The following ITPR2 variants were observed in gnomAD, a reference collection of about 807,000 sequenced individuals.
The protein encoded by ITPR2 is inositol 1,4,5-trisphosphate receptor type 2, also known as inositol 1,4,5-trisphosphate-gated calcium channel ITPR2.
Under a neutral mutation model 317.1 loss-of-function variants are expected in ITPR2, and 207 were observed. The observed-to-expected ratio is 0.65, with a 90% CI of 0.58 to 0.73. The LOEUF is 0.73. Among genes scored for constraint, ITPR2 ranks in the 30% least tolerant of loss-of-function variants. The pLI is 0.00. For synonymous variants in ITPR2, 1,156 were observed against 1,149.1 expected, an observed-to-expected ratio of 1.01 and a Z score of -0.12; for missense variants, 2,613 against 3,284.0, an observed-to-expected ratio of 0.80 and a Z score of 4.99.
intron 37 of ITPR2, among the ~76,000 whole-genome samples, chr12:26,498,651 T>A (rs945262418): frequency 7.2e-5 from 11 of 152,194 alleles, no homozygotes; most frequent in African/African-American, 2.6e-4. Context: ...GACCACTCAC[T>A]CTAACCCTGT....
At chr12:26,641,382 G>T (rs1357199611) in intron 21 of ITPR2, among the ~76,000 whole-genome samples, 1 of 151,772 alleles carries the variant, frequency 6.6e-6, no homozygotes, top group Non-Finnish European at 1.5e-5. Context: ...ACATGAGGAA[G>T]TCAACTGTGT....
intron 13 of ITPR2, among the ~76,000 whole-genome samples, chr12:26,676,762 A>G (rs1037922647): frequency 2.0e-4 from 30 of 149,676 alleles, no homozygotes; most frequent in Non-Finnish European, 4.2e-4. Context: ...AGATTAAAAA[A>G]ATAAAATAAA....
chr12:26,766,306 T>C (rs1268478827), intron 2 of ITPR2, among the ~76,000 whole-genome samples: 3 of 152,182 alleles, frequency 2.0e-5, no homozygotes, highest in Non-Finnish European at 4.4e-5. Context: ...TGTTTTTTTT[T>C]TGTAACTATA....
At chr12:26,574,000 G>A (rs769921500) in intron 34 of ITPR2, among the ~76,000 whole-genome samples, 1 of 152,170 alleles carries the variant, frequency 6.6e-6, no homozygotes, top group Admixed American at 6.5e-5. Context: ...TTGGACAAGG[G>A]TGACACAAGA....
chr12:26,349,266 A>G (rs1938404848), intron 55 of ITPR2, among the ~76,000 whole-genome samples: 1 of 152,234 alleles, frequency 6.6e-6, no homozygotes, highest in Admixed American at 6.5e-5. Flanking sequence ...TTGCTCCATT[A>G]GAAAAACACG....
chr12:26,768,994 AACAC>A (rs143843238), intron 2 of ITPR2, among the ~76,000 whole-genome samples: 3,058 of 96,876 alleles, frequency 0.032, 76 homozygotes, highest in African/African-American at 0.071. Context: ...CATCCAGTAG[AACAC>A]ACACACACAC....
chr12:26,748,719 C>G (rs941402908), intron 2 of ITPR2, among the ~76,000 whole-genome samples: 5 of 152,110 alleles, frequency 3.3e-5, no homozygotes, highest in Admixed American at 1.3e-4. Flanking sequence ...AACTGTGAAA[C>G]AGTAGGTGGG....
intron 2 of ITPR2, among the ~76,000 whole-genome samples, chr12:26,763,567 A>G (rs1156820208): frequency 6.6e-6 from 1 of 152,124 alleles, no homozygotes; most frequent in East Asian, 1.9e-4. Flanking sequence ...CTTCTAAGTT[A>G]CTTGCAAGTG....
At chr12:26,416,821 G>A (rs1262477709) in intron 50 of ITPR2, among the ~76,000 whole-genome samples, 4 of 152,170 alleles carry the variant, frequency 2.6e-5, no homozygotes, top group South Asian at 2.1e-4. Flanking sequence ...TGACATAGTC[G>A]AGATTTTTCT....
intron 2 of ITPR2, among the ~76,000 whole-genome samples, chr12:26,741,021 A>G (rs1456398300): frequency 6.6e-6 from 1 of 152,266 alleles, no homozygotes; most frequent in Admixed American, 6.5e-5. Context: ...ATCATTTAGA[A>G]AAGATCTATT....
At position 26,335,451 on chromosome 12, in the gene ITPR2, C is replaced by T. The variant is rs1937889409; in HGVS notation, c.*3946G>A. ...AGGCAAATATAACAATCCTCTACTG[C>T]AGGAGAGAAAGTCTTCTTGGTGATA... On this transcript the variant is annotated 3_prime_UTR_variant, in exon 57 of 57. Transcript: ENST00000381340. Among the ~76,000 whole-genome samples the T allele has an allele frequency of 6.6e-6, 1 of 152,146 alleles. No individual in the cohort carries two copies. Among genetic ancestry groups the T allele is most frequent in the South Asian group, 2.1e-4 (1 of 4,826 alleles).
At chr12:26,718,445 A>G (rs2137036636) in intron 5 of ITPR2, among the ~76,000 whole-genome samples, 1 of 151,952 alleles carries the variant, frequency 6.6e-6, no homozygotes, top group Non-Finnish European at 1.5e-5. Context: ...ATTTTACTAT[A>G]GTTGTCTGTA....
In ITPR2 at chr12:26,833,047, C is replaced by A; in HGVS notation, c.-266G>T. On this transcript the variant is annotated 5_prime_UTR_variant, in exon 1 of 57. In the 5' UTR this introduces an upstream ATG that the reference lacks. Transcript: ENST00000381340. ...CCAGAGAAGCCGCAGCCGCCGCCGC[C>A]TCCCCGGCAGGTTTCCTGTTCCTTT... 2.2e-6 allele frequency: 1 copy of A among 452,938 alleles called. No homozygotes were observed. Among genetic ancestry groups the A allele is most frequent in the South Asian group, 2.9e-5 (1 of 34,236 alleles). The allele number at this position is 452,938 out of a possible 1,614,324, so 28.1% of individuals were successfully genotyped here.
chr12:26,522,334 A>C lies in ITPR2; in HGVS notation c.5074-27074T>G, dbSNP rs151037286. ...TTAGACTATTAGACATGAAGTAGCC[A>C]CCAATCCTGATCTTAAATCACAATC... On this transcript the variant is annotated intron_variant, in intron 37 of 56. Transcript: ENST00000381340. 6.0e-3 allele frequency among the ~76,000 whole-genome samples: 907 copies of C among 152,324 alleles called. 4 individuals carry two copies. Among genetic ancestry groups the C allele is most frequent in the Middle Eastern group, 0.027 (8 of 294 alleles).
At chr12:26,829,236 AT>A (rs1361789553) in intron 1 of ITPR2, among the ~76,000 whole-genome samples, 1 of 151,300 alleles carries the variant, frequency 6.6e-6, no homozygotes, top group East Asian at 1.9e-4. Context: ...TATAAAAAAA[AT>A]TAACGCTTTC....
At chr12:26,652,071 A>G (rs902376343) in intron 21 of ITPR2, among the ~76,000 whole-genome samples, 1 of 151,966 alleles carries the variant, frequency 6.6e-6, no homozygotes. Context: ...ATATTTTCAC[A>G]CCTAGATAAA....
At chr12:26,722,715 C>T (rs1043724968) in intron 4 of ITPR2, among the ~76,000 whole-genome samples, 160 bp from the exon 5 acceptor site, 1 of 152,094 alleles carries the variant, frequency 6.6e-6, no homozygotes, top group African/African-American at 2.4e-5. Context: ...ATCTTTCCTA[C>T]TTGACTTTCT....
intron 21 of ITPR2, among the ~76,000 whole-genome samples, chr12:26,647,869 T>C (rs1223727858): frequency 3.3e-5 from 5 of 152,238 alleles, no homozygotes; most frequent in Admixed American, 2.6e-4. Context: ...TGTGTCTCCA[T>C]ATGAGCAAGC....
chr12:26,550,760 G>A (rs1017070930), intron 36 of ITPR2, among the ~76,000 whole-genome samples: 7 of 151,952 alleles, frequency 4.6e-5, no homozygotes, highest in African/African-American at 1.7e-4. Flanking sequence ...TAAGCATACA[G>A]TAGCAGTGGC....
Sources: gnomAD v4.1 joint callset for allele counts (sites outside exome capture counted in the v4.1 genomes callset) on GRCh38, gnomAD v4.1.1 for gene constraint, MANE v1.5 for transcripts, NCBI Gene and HGNC (gene_info 2026-07-23, HGNC 2026-07-21) for gene names.